TANGO6: variants seen among roughly 807,000 people sequenced by gnomAD.
TANGO6 encodes the protein transport and Golgi organization protein 6 homolog.
TANGO6 carries 90 observed loss-of-function variants against 114.2 expected under a neutral mutation model. The observed-to-expected ratio is 0.79, with a 90% CI of 0.66 to 0.94. The LOEUF (loss-of-function observed/expected upper bound fraction) is 0.94, where lower values mean the gene tolerates loss of function less well. Among genes scored for constraint, TANGO6 ranks in the 40% least tolerant of loss-of-function variants. TANGO6 has a pLI of 0.00. For missense variants in TANGO6, 1,274 were observed against 1,315.3 expected (o/e 0.97, Z 0.49); for synonymous variants, 477 against 509.8 (o/e 0.94, Z 0.87).
Position 68,860,354 on chromosome 16 carries a change from C to T in TANGO6, c.565C>T (p.Pro189Ser). ...AGACGTGGTGTGTTTTGATGCTGCCCCCGATGCAACTCGAAGACTGTACAC... is the reference window on the plus strand; with the variant it reads ...AGACGTGGTGTGTTTTGATGCTGCCTCCGATGCAACTCGAAGACTGTACAC... ...VQDVVCFDAA[P>S]DATRRLYTSC... Residue 189 changes from proline (P) to serine (S), a missense_variant, in exon 2 of 18, where the codon CCC becomes TCC. Pro to Ser is a moderately conservative substitution (Grantham distance 74, BLOSUM62 -1). Around this residue, in one of 5 missense-constraint regions of TANGO6, gnomAD observed 908 missense variants for 910.2 expected, o/e 1.00. Coordinates refer to ENST00000261778, the MANE Select transcript of TANGO6 (RefSeq NM_024562.2). 2 of 1,613,852 alleles carry T rather than the reference C, an allele frequency of 1.2e-6. No individual in the cohort carries two copies. Among genetic ancestry groups the T allele is most frequent in the Admixed American group, 3.3e-5 (2 of 59,996 alleles).
chr16:68,971,095 T>A (rs1963700240), intron 14 of TANGO6, among the ~76,000 whole-genome samples: 2 of 147,982 alleles, frequency 1.4e-5, no homozygotes, highest in South Asian at 4.3e-4. Context: ...GAAGTTGCAG[T>A]GAGCCGAGAT....
intron 15 of TANGO6, among the ~76,000 whole-genome samples, chr16:68,995,154 T>G (rs1402438748): frequency 6.6e-6 from 1 of 152,148 alleles, no homozygotes; most frequent in East Asian, 1.9e-4. Context: ...AATTTGCATC[T>G]AAATCATTCC....
intron 17 of TANGO6, among the ~76,000 whole-genome samples, chr16:69,066,778 C>T (rs1401967555): frequency 6.6e-6 from 1 of 152,084 alleles, no homozygotes; most frequent in Non-Finnish European, 1.5e-5. Context: ...CTTATGCCTC[C>T]CACTCCATGG....
At chr16:68,865,559 A>G in intron 3 of TANGO6, among the ~76,000 whole-genome samples, 1 of 152,190 alleles carries the variant, frequency 6.6e-6, no homozygotes, top group Non-Finnish European at 1.5e-5. Context: ...GTGGCTCCAC[A>G]GAACTCCCAG....
chr16:69,073,686 G>A (rs1401403721), intron 17 of TANGO6, among the ~76,000 whole-genome samples: 1 of 152,194 alleles, frequency 6.6e-6, no homozygotes, highest in Non-Finnish European at 1.5e-5. Context: ...GCCAGGCCTG[G>A]TGGCTCACGC....
intron 14 of TANGO6, among the ~76,000 whole-genome samples, chr16:68,972,191 T>C (rs903122223): frequency 6.6e-6 from 1 of 151,800 alleles, no homozygotes; most frequent in Non-Finnish European, 1.5e-5. Context: ...GGTGCAGGCT[T>C]AGGACCACAT....
intron 17 of TANGO6, among the ~76,000 whole-genome samples, chr16:69,063,511 C>T (rs1862270914): frequency 6.7e-6 from 1 of 149,916 alleles, no homozygotes; most frequent in Admixed American, 6.7e-5. Context: ...GGCGACAAAG[C>T]GAGACCCCGT....
At chr16:68,905,708 C>CA (rs1347843610) in intron 9 of TANGO6, among the ~76,000 whole-genome samples, 2 of 151,440 alleles carry the variant, frequency 1.3e-5, no homozygotes, top group Non-Finnish European at 2.9e-5. Context: ...CCGGTTTCTA[C>CA]AAAAAAATAC....
intron 7 of TANGO6, among the ~76,000 whole-genome samples, chr16:68,881,075 C>T (rs1962455138): frequency 6.6e-6 from 1 of 152,226 alleles, no homozygotes; most frequent in Admixed American, 6.5e-5. Context: ...AGGCGCGAGC[C>T]ACTGCGCCTG....
intron 14 of TANGO6, among the ~76,000 whole-genome samples, chr16:68,948,825 A>G (rs1396484569): frequency 6.6e-6 from 1 of 152,190 alleles, no homozygotes; most frequent in Non-Finnish European, 1.5e-5. Flanking sequence ...CCTGCAGACA[A>G]TCATTAGTGT....
At chr16:69,021,955 G>C (rs996780768) in intron 15 of TANGO6, among the ~76,000 whole-genome samples, 1 of 147,840 alleles carries the variant, frequency 6.8e-6, no homozygotes, top group Admixed American at 6.9e-5. Context: ...GCGCAATCTC[G>C]GCTCACTGCA....
intron 15 of TANGO6, among the ~76,000 whole-genome samples, chr16:68,985,997 G>A (rs989881037): frequency 6.6e-6 from 1 of 152,214 alleles, no homozygotes; most frequent in African/African-American, 2.4e-5. Context: ...GTGGGTGGAA[G>A]AGGGGAGAGA....
At chr16:68,903,837 A>G (rs1319025393) in intron 9 of TANGO6, among the ~76,000 whole-genome samples, 1 of 151,322 alleles carries the variant, frequency 6.6e-6, no homozygotes, top group South Asian at 2.1e-4. Flanking sequence ...CAGGACTGTC[A>G]CTCGAACCCA....
At chr16:69,083,419 C>T in intron 17 of TANGO6, 66 bp from the exon 18 acceptor site, 2 of 1,510,378 alleles carry the variant, frequency 1.3e-6, no homozygotes, top group South Asian at 2.6e-5. Flanking sequence ...GAGGAGAGGG[C>T]AGTTCAGTCG....
intron 15 of TANGO6, among the ~76,000 whole-genome samples, chr16:69,004,953 C>T (rs1046290182): frequency 7.2e-5 from 11 of 152,258 alleles, no homozygotes; most frequent in East Asian, 1.9e-4. Flanking sequence ...AAAGCAAGAC[C>T]GGGATTCCCC....
intron 14 of TANGO6, among the ~76,000 whole-genome samples, chr16:68,935,985 A>G (rs1963295531): frequency 6.6e-6 from 1 of 152,118 alleles, no homozygotes; most frequent in Non-Finnish European, 1.5e-5. Flanking sequence ...ATTCAAGACC[A>G]GCCTAGGCAA....
intron 17 of TANGO6, among the ~76,000 whole-genome samples, chr16:69,061,736 G>T (rs940636916): frequency 1.3e-5 from 2 of 151,536 alleles, no homozygotes; most frequent in East Asian, 2.0e-4. Flanking sequence ...ATGCATTTCC[G>T]GCCGGGCGCG....
chr16:68,972,684 G>C (rs1963718944), intron 14 of TANGO6, among the ~76,000 whole-genome samples: 1 of 152,198 alleles, frequency 6.6e-6, no homozygotes, highest in African/African-American at 2.4e-5. Context: ...CTTTATTATA[G>C]AGTTCACATT....
rs1960495850 is a variant in TANGO6 at position 69,083,493 on chromosome 16, C to T, written c.3117C>T (p.Ser1039=). 2.5e-6 allele frequency: 4 copies of T among 1,609,740 alleles called. No homozygotes were observed. The highest frequency in any genetic ancestry group is 2.2e-5 in the East Asian group (1 of 44,798). The change falls in exon 18 of 18, where the codon AGC becomes AGT. Residue 1039 remains serine, a synonymous_variant. Transcript: ENST00000261778. ...GLSQKATEVL[S]AVLKDLYHLL... ...CTGTCTCTCTCATGCAGGTGCTGAGCGCCGTCCTCAAGGATCTCTACCACC... is the reference window on the plus strand; with the variant it reads ...CTGTCTCTCTCATGCAGGTGCTGAGTGCCGTCCTCAAGGATCTCTACCACC...
Sources: gnomAD v4.1 joint callset for allele counts (sites outside exome capture counted in the v4.1 genomes callset) on GRCh38, gnomAD v4.1.1 for gene constraint, gnomAD v4.1.1 regional missense constraint, MANE v1.5 for transcripts, NCBI Gene and HGNC (gene_info 2026-07-23, HGNC 2026-07-21) for gene names.